The following ETV3L variants were observed in gnomAD, a reference collection of about 807,000 sequenced individuals.
ETV3L encodes ETS variant transcription factor 3 like.
ETV3L carries 30 observed loss-of-function variants against 27.6 expected under a neutral mutation model. The ratio of observed to expected loss-of-function variants is 1.09; its 90% CI spans 0.81 to 1.48. The LOEUF (loss-of-function observed/expected upper bound fraction) is 1.48, where lower values mean the gene tolerates loss of function less well. Ranked by LOEUF, ETV3L falls within the 40% of genes most tolerant of loss-of-function variation. ETV3L has a pLI of 0.00. For missense variants in ETV3L, 443 were observed against 455.6 expected (o/e 0.97, Z 0.25); for synonymous variants, 186 against 188.9 (o/e 0.98, Z 0.12).
Position 157,099,313 on chromosome 1 carries a change from A to G in ETV3L, c.124T>C (p.Trp42Arg). Residue 42 changes from tryptophan to arginine, a missense_variant, in exon 2 of 5, where the codon TGG becomes CGG. Physicochemically the swap from Trp to Arg is moderately radical, Grantham distance 101. Coordinates refer to ENST00000454449, the MANE Select transcript of ETV3L (RefSeq NM_001004341.2). Reference protein sequence around the residue: ...SSPGSRQIQLWHFILELLQKE... With the variant: ...SSPGSRQIQLRHFILELLQKE... ...TGCAGCAGCTCCAGGATGAAGTGCC[A>G]CAGCTGGATCTGCCGGGAGCCTGGG... 6.2e-7 allele frequency: 1 copy of G among 1,614,206 alleles called. No individual in the cohort carries two copies. The highest frequency in any genetic ancestry group is 1.1e-5 in the South Asian group (1 of 91,090).
rs748750472 is a variant in ETV3L at position 157,092,660 on chromosome 1, C to T, written c.1075G>A (p.Asp359Asn). Reference protein sequence around the residue: ...LENLKAVWPLDPP With the variant: ...LENLKAVWPLNPP ...ACCTTCCTCTCTAGTTAAGGAGGAT[C>T]CAAGGGCCACACTGCTTTGAGGTTC... The change falls in exon 5 of 5, where the codon GAT (aspartate) becomes AAT (asparagine). Residue 359 changes from aspartate to asparagine, a missense_variant. Transcript: ENST00000454449. 25 of 1,605,572 alleles carry T rather than the reference C, an allele frequency of 1.6e-5. No individual in the cohort carries two copies. The highest frequency in any genetic ancestry group is 6.7e-5 in the South Asian group (6 of 89,632).
chr1:157,097,639 TG>T (rs1297963114), intron 4 of ETV3L, among the ~76,000 whole-genome samples: 2 of 152,224 alleles, frequency 1.3e-5, no homozygotes, highest in African/African-American at 2.4e-5. Flanking sequence ...CAGCAGTCGC[TG>T]GCAGTAATCC....
intron 4 of ETV3L, among the ~76,000 whole-genome samples, chr1:157,096,302 A>G (rs1281155278): frequency 6.6e-6 from 1 of 152,190 alleles, no homozygotes; most frequent in African/African-American, 2.4e-5. Context: ...ATCGATCATT[A>G]GTTGAATATC....
In ETV3L at chr1:157,092,769, TC is replaced by T; in HGVS notation, c.965del (p.Gly322GlufsTer42). On this transcript the variant is annotated frameshift_variant, in exon 5 of 5. Coordinates refer to ENST00000454449, the MANE Select transcript of ETV3L (RefSeq NM_001004341.2). LOFTEE classifies it low-confidence loss of function (END_TRUNC). ...VKPAPMMEAK[G>X]GLDPREVFCP... ...AGAAGACCTCCCTGGGATCCAGGCC[TC>T]CCTTTGCCTCCATCATGGGAGCAGG... is the stretch of plus-strand genomic sequence containing the variant. 6.2e-7 allele frequency: 1 copy of T among 1,614,168 alleles called. No individual in the cohort carries two copies. The highest frequency in any genetic ancestry group is 1.3e-5 in the African/African-American group (1 of 75,044).
chr1:157,098,841 G>T lies in ETV3L; in HGVS notation c.351C>A (p.Tyr117Ter). Reference sequence around the variant, plus strand: ...CGATGAGCTTGCTGAAGTTGAACTTGTATGTGAACCTTTTGCCTTTGGTCT... The same window carrying T: ...CGATGAGCTTGCTGAAGTTGAACTTTTATGTGAACCTTTTGCCTTTGGTCT... ...LHKTKGKRFT[Y>*]KFNFSKLIVV... Residue 117 changes from tyrosine to a stop codon, truncating the protein, a stop_gained, in exon 3 of 5, where the codon TAC (tyrosine) becomes TAA (stop). Coordinates refer to ENST00000454449, the MANE Select transcript of ETV3L (RefSeq NM_001004341.2). LOFTEE classifies it high-confidence loss of function. The T allele has an allele frequency of 6.2e-7, 1 of 1,614,152 alleles. No individual in the cohort carries two copies. Among genetic ancestry groups the T allele is most frequent in the Non-Finnish European group, 8.5e-7 (1 of 1,180,016 alleles).
rs749240007 is a variant in ETV3L at position 157,093,046 on chromosome 1, G to A, written c.689C>T (p.Ala230Val). 2 of 1,559,168 alleles carry A rather than the reference G, an allele frequency of 1.3e-6. No individual in the cohort carries two copies. The highest frequency in any genetic ancestry group is 1.9e-5 in the Admixed American group (1 of 52,110). The change falls in exon 5 of 5, where the codon GCC (alanine) becomes GTC (valine). Residue 230 changes from alanine (A) to valine (V), a missense_variant. By Grantham distance (64) the Ala-to-Val change is moderately conservative. Coordinates refer to ENST00000454449, the MANE Select transcript of ETV3L (RefSeq NM_001004341.2). ...GSVQGELPGVASFTPPLPPPL... is the reference protein window; with the variant it reads ...GSVQGELPGVVSFTPPLPPPL... ...GGGCGGGAGGGGAGGAGTGAAGGAG[G>A]CAACACCAGGCAGCTCGCCTTGGAC... is the stretch of plus-strand genomic sequence containing the variant.
chr1:157,099,745 C>G lies in ETV3L; in HGVS notation c.-222G>C. The G allele has an allele frequency of 1.7e-6, 1 of 601,804 alleles. No individual in the cohort carries two copies. Among genetic ancestry groups the G allele is most frequent in the Non-Finnish European group, 2.9e-6 (1 of 340,514 alleles). 37.3% of individuals were successfully genotyped at this position (601,804 alleles called of 1,614,324 possible). ...AAGGGAACCAGAGGCAGCAAGCTTC[C>G]CCATACCCAGACAGGGCCCAGCCCC... On this transcript the variant is annotated 5_prime_UTR_variant, in exon 1 of 5. Transcript: ENST00000454449.
Position 157,099,727 on chromosome 1 carries a change from C to T in ETV3L, c.-204G>A, listed in dbSNP as rs554019154. On this transcript the variant is annotated 5_prime_UTR_variant, in exon 1 of 5. Coordinates refer to ENST00000454449, the MANE Select transcript of ETV3L (RefSeq NM_001004341.2). Reference sequence around the variant, plus strand: ...TGCCAGTGAAGGGGAGAAAAGGGAACCAGAGGCAGCAAGCTTCCCCATACC... The same window carrying T: ...TGCCAGTGAAGGGGAGAAAAGGGAATCAGAGGCAGCAAGCTTCCCCATACC... 14 of 610,030 alleles carry T rather than the reference C, an allele frequency of 2.3e-5. No homozygotes were observed. Among genetic ancestry groups the T allele is most frequent in the Middle Eastern group, 4.3e-4 (1 of 2,318 alleles). 37.8% of individuals were successfully genotyped at this position (610,030 alleles called of 1,614,324 possible).
Position 157,099,268 on chromosome 1 carries a change from C to G in ETV3L, c.169G>C (p.Val57Leu), listed in dbSNP as rs1382899379. 6.2e-7 allele frequency: 1 copy of G among 1,614,004 alleles called. No homozygotes were observed. Among genetic ancestry groups the G allele is most frequent in the Non-Finnish European group, 8.5e-7 (1 of 1,180,046 alleles). The change falls in exon 2 of 5, where the codon GTC (valine) becomes CTC (leucine). Residue 57 changes from valine to leucine, a missense_variant. Val to Leu is a conservative substitution (Grantham distance 32, BLOSUM62 1). Transcript: ENST00000454449. The part of the protein sequence containing the change: ...ELLQKEEFRH[V>L]IAWQQGEYGE... ...TACTCTCCCTGCTGCCAGGCGATGA[C>G]ATGGCGGAACTCTTCCTTCTGCAGC...
At position 157,097,996 on chromosome 1, in the gene ETV3L, G is replaced by A. The variant is rs575260557; in HGVS notation, c.487-8C>T. 4.4e-6 allele frequency: 7 copies of A among 1,597,648 alleles called. No homozygotes were observed. The South Asian group carries it at 6.8e-5, about 16-fold the overall frequency. ...TAGCATGCTGTGCAGGAGCTGAGGG[G>A]TGAGAAGTAGGTGCGAGGTGTGATG... On this transcript the variant is annotated splice_region_variant and splice_polypyrimidine_tract_variant and intron_variant, in intron 3 of 4. Transcript: ENST00000454449.
At chr1:157,094,007 T>C (rs1159572109) in intron 4 of ETV3L, among the ~76,000 whole-genome samples, 1 of 152,156 alleles carries the variant, frequency 6.6e-6, no homozygotes, top group Admixed American at 6.6e-5. Flanking sequence ...GGGCTGTAGT[T>C]GTTTTATTTT....
chr1:157,097,678 C>T (rs1384844964), intron 4 of ETV3L, among the ~76,000 whole-genome samples, 190 bp downstream of exon 4: 1 of 152,130 alleles, frequency 6.6e-6, no homozygotes, highest in African/African-American at 2.4e-5. Flanking sequence ...AGGTTCTGAG[C>T]CTCTTGAGCC....
chr1:157,095,111 T>C (rs1195324865), intron 4 of ETV3L, among the ~76,000 whole-genome samples: 1 of 152,012 alleles, frequency 6.6e-6, no homozygotes, highest in Non-Finnish European at 1.5e-5. Flanking sequence ...CTTGGGTCCT[T>C]AGATGAGGTG....
intron 3 of ETV3L, 82 bp downstream of exon 3, chr1:157,098,624 G>A: frequency 2.2e-6 from 3 of 1,348,356 alleles, no homozygotes; most frequent in Non-Finnish European, 3.0e-6. Flanking sequence ...GGCCCCAGAG[G>A]CAAAGAGGAG....
At chr1:157,099,000 C>T in intron 2 of ETV3L, 105 bp from the exon 3 acceptor site, 1 of 1,487,168 alleles carries the variant, frequency 6.7e-7, no homozygotes, top group Non-Finnish European at 9.2e-7. Context: ...TAAGCTGTTC[C>T]CCGAGAACCA....
intron 4 of ETV3L, among the ~76,000 whole-genome samples, chr1:157,097,470 C>G (rs1188567255): frequency 1.9e-5 from 2 of 102,900 alleles, no homozygotes; most frequent in Non-Finnish European, 3.8e-5. Context: ...GACTCCGTCT[C>G]AAAAAAAAAA....
At position 157,092,730 on chromosome 1, in the gene ETV3L, G is replaced by A; in HGVS notation, c.1005C>T (p.Arg335=). 6.2e-7 allele frequency: 1 copy of A among 1,614,168 alleles called. No homozygotes were observed. Among genetic ancestry groups the A allele is most frequent in the Non-Finnish European group, 8.5e-7 (1 of 1,180,012 alleles). The change falls in exon 5 of 5, where the codon CGC becomes CGT. Residue 335 remains arginine (R), a synonymous_variant. Coordinates refer to ENST00000454449, the MANE Select transcript of ETV3L (RefSeq NM_001004341.2). ...GGCTTTCCTCCCCAGTTTTGAGTCT[G>A]CGGGTCTCTGGGCAGAAGACCTCCC... The part of the protein sequence containing the change: ...DPREVFCPET[R]RLKTGEESLT...
Position 157,093,047 on chromosome 1 carries a change from C to A in ETV3L, c.688G>T (p.Ala230Ser). ...GSVQGELPGVASFTPPLPPPL... is the reference protein window; with the variant it reads ...GSVQGELPGVSSFTPPLPPPL... ...GGCGGGAGGGGAGGAGTGAAGGAGG[C>A]AACACCAGGCAGCTCGCCTTGGACG... The change falls in exon 5 of 5, where the codon GCC becomes TCC. Residue 230 changes from alanine (A) to serine (S), a missense_variant. Physicochemically the swap from Ala to Ser is moderately conservative, Grantham distance 99 (BLOSUM62 1). Transcript: ENST00000454449. 1 of 1,558,660 alleles carries A rather than the reference C, an allele frequency of 6.4e-7. No homozygotes were observed. Among genetic ancestry groups the A allele is most frequent in the Non-Finnish European group, 8.7e-7 (1 of 1,152,546 alleles).
intron 4 of ETV3L, 53 bp downstream of exon 4, chr1:157,097,815 C>A: frequency 6.2e-7 from 1 of 1,605,052 alleles, no homozygotes; most frequent in Admixed American, 1.7e-5. Flanking sequence ...CCAGGAGGGC[C>A]CTCCCTCCTC....
Sources: gnomAD v4.1 joint callset for allele counts (sites outside exome capture counted in the v4.1 genomes callset) on GRCh38, gnomAD v4.1.1 for gene constraint, MANE v1.5 for transcripts, NCBI Gene and HGNC (gene_info 2026-07-23, HGNC 2026-07-21) for gene names.